Variants in RBPMS observed in about 807,000 individuals in gnomAD.
RBPMS encodes RNA binding protein, mRNA processing factor, also known as RNA-binding protein with multiple splicing.
RBPMS carries 7 observed loss-of-function variants against 26.8 expected under a neutral mutation model. That is an observed-to-expected ratio of 0.26 (90% CI 0.15 to 0.49). The LOEUF (loss-of-function observed/expected upper bound fraction) is 0.49, where lower values mean the gene tolerates loss of function less well. Ranked by LOEUF, RBPMS falls within the 20% of genes least tolerant of loss-of-function variation. The probability of loss-of-function intolerance (pLI) is 0.98; values close to 1 mark genes in which losing one functional copy is unlikely to be tolerated. For synonymous variants in RBPMS, 96 were observed against 93.3 expected (o/e 1.03, Z -0.17); for missense variants, 186 against 250.0 (o/e 0.74, Z 1.73).
chr8:30,521,126 A>G (rs1240134256), intron 5 of RBPMS, among the ~76,000 whole-genome samples: 1 of 152,218 alleles, frequency 6.6e-6, no homozygotes, highest in Admixed American at 6.5e-5. Flanking sequence ...AAATATTTAG[A>G]TTAGTTCAAA....
chr8:30,550,185 C>T (rs571995814), intron 6 of RBPMS, among the ~76,000 whole-genome samples: 1 of 152,284 alleles, frequency 6.6e-6, no homozygotes, highest in Admixed American at 6.5e-5. Context: ...CTCTGAGCTG[C>T]GCCTTTCAGG....
chr8:30,523,430 A>G (rs1823262535), intron 5 of RBPMS, among the ~76,000 whole-genome samples: 1 of 151,772 alleles, frequency 6.6e-6, no homozygotes, highest in South Asian at 2.1e-4. Flanking sequence ...GTTTTACCTC[A>G]CTGAGCTGTA....
At chr8:30,549,782 C>CTCTCTCTT (rs1336276388) in intron 6 of RBPMS, among the ~76,000 whole-genome samples, 12 of 100,264 alleles carry the variant, frequency 1.2e-4, no homozygotes, top group African/African-American at 5.7e-4. Context: ...TTCTCTCTCT[C>CTCTCTCTT]TCTCTCTCTC....
chr8:30,480,301 C>T (rs527439312), intron 4 of RBPMS, among the ~76,000 whole-genome samples: 150 of 152,308 alleles, frequency 9.8e-4, no homozygotes, highest in African/African-American at 3.5e-3. Context: ...CTTTGTGTTG[C>T]TGTGGTACCT....
intron 5 of RBPMS, among the ~76,000 whole-genome samples, chr8:30,538,909 A>C (rs1209012325): frequency 6.6e-6 from 1 of 152,204 alleles, no homozygotes; most frequent in East Asian, 1.9e-4. Flanking sequence ...ACCCTATCAC[A>C]GGAGCTAGTG....
At chr8:30,551,854 C>T (rs1826412260) in intron 6 of RBPMS, among the ~76,000 whole-genome samples, 1 of 152,192 alleles carries the variant, frequency 6.6e-6, no homozygotes, top group African/African-American at 2.4e-5. Context: ...TGCACGGAGC[C>T]TCAGTTTCCT....
At chr8:30,480,705 T>C (rs1276336811) in intron 4 of RBPMS, among the ~76,000 whole-genome samples, 2 of 152,250 alleles carry the variant, frequency 1.3e-5, no homozygotes, top group Non-Finnish European at 2.9e-5. Flanking sequence ...CGGTGTATAA[T>C]TGAATGTTTT....
intron 1 of RBPMS, among the ~76,000 whole-genome samples, chr8:30,419,450 A>ATATGTGTGTGTGTGTGTG (rs1554509328): frequency 1.7e-4 from 24 of 143,280 alleles, no homozygotes; most frequent in African/African-American, 6.3e-4. Context: ...CATCTCAAAA[A>ATATGTGTGTGTGTGTGTG]TGTGTGTGTG....
At chr8:30,493,995 T>C (rs1395964121) in intron 4 of RBPMS, among the ~76,000 whole-genome samples, 1 of 152,162 alleles carries the variant, frequency 6.6e-6, no homozygotes, top group Non-Finnish European at 1.5e-5. Context: ...TTAATTGGGC[T>C]GGGGTGGATG....
intron 4 of RBPMS, among the ~76,000 whole-genome samples, chr8:30,492,798 A>T (rs1400879705): frequency 1.3e-5 from 2 of 152,194 alleles, no homozygotes; most frequent in East Asian, 3.9e-4. Flanking sequence ...GGCTTCTTTA[A>T]GAATAAGGTT....
At chr8:30,446,999 G>A (rs186430044) in intron 1 of RBPMS, 1 of 152,040 alleles carries the variant, frequency 6.6e-6, no homozygotes, top group African/African-American at 2.4e-5. Context: ...TCATCTTCTA[G>A]GCAACAAGAA....
chr8:30,552,412 T>C (rs1350220858), intron 6 of RBPMS: 1 of 152,114 alleles, frequency 6.6e-6, no homozygotes, highest in East Asian at 1.9e-4. Context: ...CCAAATGGAA[T>C]CATGTTTTAT....
chr8:30,549,122 G>A (rs1419130788), intron 6 of RBPMS, among the ~76,000 whole-genome samples: 1 of 152,192 alleles, frequency 6.6e-6, no homozygotes, highest in Non-Finnish European at 1.5e-5. Flanking sequence ...GTGCTGTGAG[G>A]GTGGTTGGTC....
intron 5 of RBPMS, among the ~76,000 whole-genome samples, chr8:30,522,148 A>G (rs1274980372): frequency 6.6e-6 from 1 of 152,138 alleles, no homozygotes; most frequent in Admixed American, 6.5e-5. Flanking sequence ...CAAACGTCAC[A>G]TTGAGTCAGG....
chr8:30,489,801 G>GT (rs146604734), intron 4 of RBPMS, among the ~76,000 whole-genome samples: 1 of 149,698 alleles, frequency 6.7e-6, no homozygotes, highest in South Asian at 2.1e-4. Context: ...GTATACTGGT[G>GT]TTTTTTGTTT....
At chr8:30,409,624 T>A (rs1193152651) in intron 1 of RBPMS, among the ~76,000 whole-genome samples, 2 of 152,200 alleles carry the variant, frequency 1.3e-5, no homozygotes, top group African/African-American at 4.8e-5. Context: ...CCTAATACAT[T>A]CTTTATTTTT....
intron 5 of RBPMS, among the ~76,000 whole-genome samples, chr8:30,538,441 G>C (rs1044292297): frequency 2.0e-5 from 3 of 152,116 alleles, no homozygotes; most frequent in African/African-American, 7.2e-5. Context: ...CTTTAGTAGA[G>C]ACGGGGTTCT....
chr8:30,441,265 C>G (rs558482524), intron 1 of RBPMS, among the ~76,000 whole-genome samples: 1 of 152,080 alleles, frequency 6.6e-6, no homozygotes, highest in Non-Finnish European at 1.5e-5. Context: ...TTCACTTGCT[C>G]CTAAACACTG....
At chr8:30,472,611 C>G (rs1817252562) in intron 1 of RBPMS, among the ~76,000 whole-genome samples, 1 of 152,072 alleles carries the variant, frequency 6.6e-6, no homozygotes, top group Admixed American at 6.5e-5. Context: ...ATAAATATAT[C>G]ATAAAATAAG....
Sources: gnomAD v4.1 joint callset for allele counts (sites outside exome capture counted in the v4.1 genomes callset) on GRCh38, gnomAD v4.1.1 for gene constraint, MANE v1.5 for transcripts, NCBI Gene and HGNC (gene_info 2026-07-23, HGNC 2026-07-21) for gene names.